Variants in SLC4A4 observed in about 807,000 individuals in gnomAD.
SLC4A4 encodes solute carrier family 4 member 4.
A neutral mutation model predicts 111.5 loss-of-function variants in SLC4A4; 27 were observed. The observed-to-expected ratio is 0.24, with a 90% confidence interval of 0.18 to 0.33. The LOEUF is 0.33. Among genes scored for constraint, SLC4A4 ranks in the 10% least tolerant of loss-of-function variants. The probability of loss-of-function intolerance (pLI) is 1.00; values close to 1 mark genes in which losing one functional copy is unlikely to be tolerated. For synonymous variants in SLC4A4, 443 were observed against 463.4 expected (o/e 0.96, Z 0.57); for missense variants, 909 against 1,315.5 (o/e 0.69, Z 4.78).
chr4:71,143,402 T>G (rs1053167457), intron 2 of SLC4A4, among the ~76,000 whole-genome samples: 3 of 152,234 alleles, frequency 2.0e-5, no homozygotes, highest in African/African-American at 7.2e-5. Flanking sequence ...AGTGCCGCAG[T>G]AGACATACGT....
chr4:71,113,167 C>T (rs919358226), intron 2 of SLC4A4, among the ~76,000 whole-genome samples: 5 of 152,132 alleles, frequency 3.3e-5, no homozygotes, highest in East Asian at 3.9e-4. Flanking sequence ...CAGAGTTCCT[C>T]GTTTTTCAAT....
chr4:71,502,792 ATG>A (rs1222688723), intron 16 of SLC4A4, among the ~76,000 whole-genome samples: 2 of 152,196 alleles, frequency 1.3e-5, no homozygotes, highest in African/African-American at 2.4e-5. Flanking sequence ...GTTGAGAAGA[ATG>A]TGTATTCTGT....
intron 22 of SLC4A4, among the ~76,000 whole-genome samples, chr4:71,558,241 GTTAA>G (rs1490476777): frequency 6.6e-6 from 1 of 151,950 alleles, no homozygotes; most frequent in Non-Finnish European, 1.5e-5. Context: ...ACCAGTGCAT[GTTAA>G]TTACTTTTTA....
intron 1 of SLC4A4, among the ~76,000 whole-genome samples, chr4:71,065,691 C>T (rs1435942084): frequency 6.6e-6 from 1 of 152,044 alleles, no homozygotes; most frequent in East Asian, 1.9e-4. Flanking sequence ...ATGTGTTTGT[C>T]TGGAAAATTG....
intron 6 of SLC4A4, among the ~76,000 whole-genome samples, chr4:71,385,499 T>C (rs1400454281): frequency 4.6e-5 from 7 of 151,938 alleles, no homozygotes; most frequent in Non-Finnish European, 1.0e-4. Context: ...CGCCCAGCCT[T>C]TAGATTTATA....
chr4:71,567,184 T>C (rs1355405562), intron 25 of SLC4A4, 101 bp downstream of exon 25: 13 of 925,056 alleles, frequency 1.4e-5, no homozygotes, highest in Non-Finnish European at 2.0e-5. Context: ...TTCTCCTTCG[T>C]CTCTATTATT....
chr4:71,152,009 GC>G (rs1378871535), intron 2 of SLC4A4, among the ~76,000 whole-genome samples: 1 of 151,842 alleles, frequency 6.6e-6, no homozygotes, highest in Non-Finnish European at 1.5e-5. Flanking sequence ...GGGTGACAGA[GC>G]AAAACCCTCT....
intron 6 of SLC4A4, among the ~76,000 whole-genome samples, chr4:71,396,284 G>A (rs867456953): frequency 2.6e-4 from 39 of 152,310 alleles, no homozygotes; most frequent in African/African-American, 9.4e-4. Flanking sequence ...ATGCAGCAGA[G>A]TGGAAAATAT....
intron 16 of SLC4A4, among the ~76,000 whole-genome samples, chr4:71,528,323 A>C (rs1334533173): frequency 6.6e-6 from 1 of 152,088 alleles, no homozygotes; most frequent in Non-Finnish European, 1.5e-5. Context: ...CTCTGTATTA[A>C]ATATGAGAGT....
At chr4:71,180,997 A>G (rs1284288775) in intron 2 of SLC4A4, among the ~76,000 whole-genome samples, 2 of 152,176 alleles carry the variant, frequency 1.3e-5, no homozygotes, top group African/African-American at 4.8e-5. Flanking sequence ...TGGATTAAGA[A>G]AATGTGGCAT....
rs578107567 is a variant in SLC4A4, at chr4:71,231,122, G to A, written c.-1-5454G>A. On this transcript the variant is annotated intron_variant, in intron 1 of 25. Transcript: ENST00000264485. ...TGGGAGAAGGGAGGTGGGAGGGCAA[G>A]TAAGGCGAATCTAAAGGCTAGCACA... Among the ~76,000 whole-genome samples, 4 of 152,346 alleles carry A rather than the reference G, an allele frequency of 2.6e-5. No homozygotes were observed. In the East Asian group the frequency reaches 7.7e-4, roughly 29 times the overall value.
chr4:71,342,641 T>C (rs1399032849), intron 4 of SLC4A4, among the ~76,000 whole-genome samples: 1 of 152,220 alleles, frequency 6.6e-6, no homozygotes, highest in Non-Finnish European at 1.5e-5. Context: ...GTTGTTATCA[T>C]AGAGTATAAT....
chr4:71,433,823 C>A (rs1250508675), intron 7 of SLC4A4, among the ~76,000 whole-genome samples: 1 of 152,068 alleles, frequency 6.6e-6, no homozygotes, highest in East Asian at 1.9e-4. Flanking sequence ...CATTCCAACA[C>A]TGCAGAGATA....
In SLC4A4 at chr4:71,405,631, A is replaced by G. The variant is rs1215251861; in HGVS notation, c.807+7978A>G. ...TGGATTACCGTGTATTGCGAATTTA[A>G]TTACCTTCCCAAAAGATTATATGAG... On this transcript the variant is annotated intron_variant, in intron 7 of 25. Coordinates refer to ENST00000264485, the MANE Select transcript of SLC4A4 (RefSeq NM_001098484.3). Among the ~76,000 whole-genome samples the G allele has an allele frequency of 4.6e-5, 7 of 152,266 alleles. 1 individual carries two copies. The highest frequency in any genetic ancestry group is 1.7e-4 in the African/African-American group (7 of 41,548).
intron 3 of SLC4A4, among the ~76,000 whole-genome samples, chr4:71,332,683 C>T (rs1357618913): frequency 1.3e-5 from 2 of 152,280 alleles, no homozygotes; most frequent in Middle Eastern, 6.8e-3. Context: ...CCGCCCGCCT[C>T]GGCCTCCCAA....
chr4:71,081,497 C>T (rs1374953903), intron 1 of SLC4A4, among the ~76,000 whole-genome samples: 1 of 152,122 alleles, frequency 6.6e-6, no homozygotes, highest in Non-Finnish European at 1.5e-5. Flanking sequence ...TGGAGTAGCT[C>T]TTATCTCAGG....
At chr4:71,423,037 G>A (rs1341614957) in intron 7 of SLC4A4, among the ~76,000 whole-genome samples, 3 of 152,260 alleles carry the variant, frequency 2.0e-5, no homozygotes, top group Middle Eastern at 6.8e-3. Context: ...AGGAAAAGAG[G>A]AAGTCAAATT....
intron 2 of SLC4A4, among the ~76,000 whole-genome samples, chr4:71,168,861 G>T (rs547504525): frequency 6.6e-6 from 1 of 152,052 alleles, no homozygotes; most frequent in Non-Finnish European, 1.5e-5. Flanking sequence ...CTGTTGATGG[G>T]CACTTAGGTT....
At chr4:71,507,202 C>T (rs1731495742) in intron 16 of SLC4A4, among the ~76,000 whole-genome samples, 1 of 152,136 alleles carries the variant, frequency 6.6e-6, no homozygotes, top group African/African-American at 2.4e-5. Flanking sequence ...TGCAAAATAA[C>T]CAGCTAATAT....
Sources: allele counts gnomAD v4.1 joint callset (sites outside exome capture counted in the v4.1 genomes callset), GRCh38; gene constraint gnomAD v4.1.1; transcripts MANE v1.5; gene names NCBI Gene and HGNC (gene_info 2026-07-23, HGNC 2026-07-21).